The following TRPM6 variants were observed in gnomAD, a reference collection of about 807,000 sequenced individuals.
TRPM6 encodes channel kinase 2.
A neutral mutation model predicts 247.6 loss-of-function variants in TRPM6; 111 were observed. That is an observed-to-expected ratio of 0.45 (90% confidence interval 0.38 to 0.52). TRPM6 has a LOEUF of 0.52. Ranked by LOEUF, TRPM6 falls within the 20% of genes least tolerant of loss-of-function variation. TRPM6 has a pLI of 0.00. For missense variants in TRPM6, 2,126 were observed against 2,421.5 expected, an observed-to-expected ratio of 0.88 and a Z score of 2.56; for synonymous variants, 892 against 853.8, an observed-to-expected ratio of 1.04 and a Z score of -0.78.
Position 74,761,980 on chromosome 9 carries a change from T to G in TRPM6, c.4672+19A>C. 1 of 1,611,422 alleles carries G rather than the reference T, an allele frequency of 6.2e-7. No individual in the cohort carries two copies. Among genetic ancestry groups the G allele is most frequent in the South Asian group, 1.1e-5 (1 of 90,932 alleles). ...ATGCAAAGGACTTAATGCTGATATT[T>G]TAAATGTTTATTCCTTACTTTTAAT... On this transcript the variant is annotated intron_variant, in intron 26 of 38. Coordinates refer to ENST00000360774, the MANE Select transcript of TRPM6 (RefSeq NM_017662.5).
intron 30 of TRPM6, among the ~76,000 whole-genome samples, chr9:74,748,503 A>G (rs1482260833): frequency 3.9e-5 from 6 of 152,202 alleles, no homozygotes; most frequent in African/African-American, 1.4e-4. Flanking sequence ...CCAGTGGGAC[A>G]AGATGAGGAG....
At chr9:74,726,382 C>T (rs111740527) in intron 38 of TRPM6, among the ~76,000 whole-genome samples, 571 of 152,106 alleles carry the variant, frequency 3.8e-3, no homozygotes, top group African/African-American at 0.013. Context: ...TGGTGGCGGG[C>T]GCCTGTAATC....
chr9:74,858,974 C>A (rs944798594), intron 1 of TRPM6, among the ~76,000 whole-genome samples: 3 of 152,138 alleles, frequency 2.0e-5, no homozygotes, highest in African/African-American at 4.8e-5. Context: ...TGCCCATAAT[C>A]TCACTTTGAG....
chr9:74,745,584 C>G (rs556839406), intron 31 of TRPM6, among the ~76,000 whole-genome samples: 13 of 152,140 alleles, frequency 8.5e-5, no homozygotes, highest in Admixed American at 5.9e-4. Flanking sequence ...GAAATTTGAG[C>G]ACAGAGTTGA....
At chr9:74,729,964 C>A (rs1476911029) in intron 37 of TRPM6, among the ~76,000 whole-genome samples, 1 of 152,090 alleles carries the variant, frequency 6.6e-6, no homozygotes, top group Non-Finnish European at 1.5e-5. Context: ...AAAGTTAAGA[C>A]AAAAGAATCA....
chr9:74,739,471 T>C (rs781151634), intron 34 of TRPM6, 22 bp from the exon 35 acceptor site: 7 of 1,604,014 alleles, frequency 4.4e-6, no homozygotes, highest in African/African-American at 1.3e-5. Flanking sequence ...GGAGCACTGA[T>C]AAAAATACTG....
At chr9:74,813,145 A>G (rs1828795816) in intron 11 of TRPM6, among the ~76,000 whole-genome samples, 1 of 152,204 alleles carries the variant, frequency 6.6e-6, no homozygotes, top group Admixed American at 6.5e-5. Context: ...CTAGGCACAA[A>G]TGGCAAGTTG....
chr9:74,859,483 C>T (rs528281128), intron 1 of TRPM6, among the ~76,000 whole-genome samples: 4 of 152,188 alleles, frequency 2.6e-5, no homozygotes, highest in Non-Finnish European at 5.9e-5. Context: ...TATAAGAATA[C>T]GTGTCCTAGC....
intron 7 of TRPM6, among the ~76,000 whole-genome samples, chr9:74,824,157 A>G (rs1410550377): frequency 2.1e-5 from 3 of 144,822 alleles, no homozygotes; most frequent in African/African-American, 8.0e-5. Flanking sequence ...TGTTAGGTAC[A>G]CTTTTTTTTT....
rs1386492618 is a variant in TRPM6 at position 74,742,654 on chromosome 9, T to C, written c.5135-28A>G. 3.1e-6 allele frequency: 5 copies of C among 1,601,620 alleles called. No homozygotes were observed. In the South Asian group the frequency reaches 5.5e-5, roughly 18 times the overall value. ...GCAAACAAAAACAGATTTTCTATTT[T>C]AAGTATGCATCAGTGGCTGAATTTA... On this transcript the variant is annotated intron_variant, in intron 32 of 38. Transcript: ENST00000360774.
chr9:74,767,939 AAAT>A (rs1003542547), intron 25 of TRPM6, among the ~76,000 whole-genome samples: 1 of 152,054 alleles, frequency 6.6e-6, no homozygotes, highest in Non-Finnish European at 1.5e-5. Flanking sequence ...CACTCTATCT[AAAT>A]AATAATAATA....
intron 3 of TRPM6, among the ~76,000 whole-genome samples, chr9:74,849,717 C>T (rs1420494559): frequency 6.6e-6 from 1 of 152,190 alleles, no homozygotes; most frequent in African/African-American, 2.4e-5. Context: ...AGCTGAAGTG[C>T]AGGCAGCCTA....
chr9:74,769,492 C>T (rs1826943001), intron 25 of TRPM6, among the ~76,000 whole-genome samples: 1 of 152,054 alleles, frequency 6.6e-6, no homozygotes, highest in Admixed American at 6.5e-5. Context: ...GGCATGGTGG[C>T]TCATGCCTGT....
chr9:74,792,727 T>G lies in TRPM6; in HGVS notation c.2435A>C (p.Glu812Ala). Residue 812 changes from glutamate (E) to alanine (A), a missense_variant, in exon 19 of 39, where the codon GAA (glutamate) becomes GCA (alanine). This residue lies in a region of TRPM6 where 1,082 missense variants were observed against 1,307.9 expected (regional missense o/e 0.83). Coordinates refer to ENST00000360774, the MANE Select transcript of TRPM6 (RefSeq NM_017662.5). ...ACTTTCCAAACCAAAATGCTGATTT[T>G]CATCCAGTTTCTCATCATGGCCCCT... The part of the protein sequence containing the change: ...LERGHDEKLD[E>A]NQHFGLESGH... 1 of 1,613,974 alleles carries G rather than the reference T, an allele frequency of 6.2e-7. No individual in the cohort carries two copies. The highest frequency in any genetic ancestry group is 1.1e-5 in the South Asian group (1 of 91,072).
At chr9:74,789,960 CAAAAAAAAAAAAAAA>C (rs71368680) in intron 19 of TRPM6, among the ~76,000 whole-genome samples, 3 of 65,112 alleles carry the variant, frequency 4.6e-5, no homozygotes, top group Non-Finnish European at 8.4e-5. Flanking sequence ...GACTCCATCT[CAAAAAAAAAAAAAAA>C]AAAAAAAAAA....
At position 74,792,685 on chromosome 9, in the gene TRPM6, G is replaced by A. The variant is rs755085866; in HGVS notation, c.2477C>T (p.Pro826Leu). Residue 826 changes from proline (P) to leucine (L), a missense_variant, in exon 19 of 39, where the codon CCG becomes CTG. By Grantham distance (98) the Pro-to-Leu change is moderately conservative. This residue lies in a region of TRPM6 where 1,082 missense variants were observed against 1,307.9 expected (regional missense o/e 0.83). Coordinates refer to ENST00000360774, the MANE Select transcript of TRPM6 (RefSeq NM_017662.5). ...GAACTCATAGACTTTCCTGGTCCAC[G>A]GAAGGTGTTGGTGCCCACTTTCCAA... is the stretch of plus-strand genomic sequence containing the variant. ...FGLESGHQHL[P>L]WTRKVYEFYS... is the part of the protein sequence containing the mutation. 3.5e-5 allele frequency: 56 copies of A among 1,613,922 alleles called. No homozygotes were observed. The highest frequency in any genetic ancestry group is 6.7e-5 in the African/African-American group (5 of 74,914).
intron 36 of TRPM6, 22 bp downstream of exon 36, chr9:74,738,385 C>T (rs1016663993): frequency 6.2e-7 from 1 of 1,612,774 alleles, no homozygotes. Flanking sequence ...CTTGTTGTAT[C>T]AAATCCTACA....
At chr9:74,735,460 T>A (rs1027222918) in intron 36 of TRPM6, among the ~76,000 whole-genome samples, 17 of 152,180 alleles carry the variant, frequency 1.1e-4, no homozygotes, top group African/African-American at 4.1e-4. Flanking sequence ...TACCAATTTA[T>A]GTAGCTTGGT....
Position 74,810,803 on chromosome 9 carries a change from T to C in TRPM6, c.1497+12A>G. 1 of 1,612,914 alleles carries C rather than the reference T, an allele frequency of 6.2e-7. No individual in the cohort carries two copies. The highest frequency in any genetic ancestry group is 8.5e-7 in the Non-Finnish European group (1 of 1,178,990). The stretch of plus-strand genomic sequence containing the variant: ...ACACAAAGACATGTTCACGCCTTCT[T>C]AATTAGGTTACCTGTTTCACATCTT... On this transcript the variant is annotated intron_variant, in intron 13 of 38. Transcript: ENST00000360774.
Sources: allele counts gnomAD v4.1 joint callset (sites outside exome capture counted in the v4.1 genomes callset), GRCh38; gene constraint gnomAD v4.1.1; regional missense constraint gnomAD v4.1.1; transcripts MANE v1.5; gene names NCBI Gene and HGNC (gene_info 2026-07-23, HGNC 2026-07-21).